Variants in EP300 observed in about 807,000 individuals in gnomAD.
EP300 encodes the protein histone acetyltransferase p300.
EP300 carries 31 observed loss-of-function variants against 264.0 expected under a neutral mutation model. The ratio of observed to expected loss-of-function variants is 0.12; its 90% CI spans 0.09 to 0.16. The LOEUF is 0.16. Among genes scored for constraint, EP300 ranks in the 10% least tolerant of loss-of-function variants. The probability of loss-of-function intolerance (pLI) is 1.00; values close to 1 mark genes in which losing one functional copy is unlikely to be tolerated. For synonymous variants in EP300, 1,340 were observed against 1,045.4 expected (o/e 1.28, Z -5.44); for missense variants, 2,766 against 3,052.9 (o/e 0.91, Z 2.21).
At position 41,127,584 on chromosome 22, in the gene EP300, G is replaced by A. The variant is rs2145710215; in HGVS notation, c.1004G>A (p.Arg335His). 1 of 1,614,192 alleles carries A rather than the reference G, an allele frequency of 6.2e-7. No individual in the cohort carries two copies. The highest frequency in any genetic ancestry group is 8.5e-7 in the Non-Finnish European group (1 of 1,180,038). Residue 335 changes from arginine to histidine, a missense_variant, in exon 4 of 31, where the codon CGC becomes CAC. By Grantham distance (29) the Arg-to-His change is conservative. Coordinates refer to ENST00000263253, the MANE Select transcript of EP300 (RefSeq NM_001429.4). ...GCACATACAGCTGATCCAGAGAAGC[G>A]CAAGCTCATCCAGCAGCAGCTTGTT... ...SGAHTADPEK[R>H]KLIQQQLVLL...
At chr22:41,145,989 A>G (rs1221665346) in intron 10 of EP300, among the ~76,000 whole-genome samples, 2 of 151,936 alleles carry the variant, frequency 1.3e-5, no homozygotes, top group African/African-American at 4.8e-5. Context: ...TATAATATGC[A>G]TATTATTTAA....
In EP300 at chr22:41,152,360, T is replaced by A; in HGVS notation, c.3142+10T>A. The A allele has an allele frequency of 6.2e-7, 1 of 1,611,216 alleles. No homozygotes were observed. The highest frequency in any genetic ancestry group is 8.5e-7 in the Non-Finnish European group (1 of 1,178,416). On this transcript the variant is annotated intron_variant, in intron 16 of 30. Transcript: ENST00000263253. ...CAGTCAAAGAAAAAGAGTGAGTCTC[T>A]GAAGCCATTCGTTCTGGAGGTAGCT...
chr22:41,164,437 C>T (rs1262686942), intron 22 of EP300, among the ~76,000 whole-genome samples: 3 of 152,078 alleles, frequency 2.0e-5, no homozygotes, highest in East Asian at 1.9e-4. Flanking sequence ...TATGGCCAGG[C>T]GAGGTGGCTC....
chr22:41,172,489 G>A lies in EP300; in HGVS notation c.4453-10G>A, dbSNP rs2059176480. 6.2e-7 allele frequency: 1 copy of A among 1,608,386 alleles called. No individual in the cohort carries two copies. The highest frequency in any genetic ancestry group is 1.7e-5 in the Admixed American group (1 of 59,976). ...TAGAAATTCCTATATGTACATGCAT[G>A]TTTTCACAGGATATTTTTAAACAAG... On this transcript the variant is annotated splice_polypyrimidine_tract_variant and intron_variant, in intron 27 of 30. Transcript: ENST00000263253.
At chr22:41,166,743 C>G in intron 23 of EP300, 77 bp downstream of exon 23, 1 of 982,528 alleles carries the variant, frequency 1.0e-6, no homozygotes, top group East Asian at 2.5e-5. Flanking sequence ...AAGTGAATTA[C>G]TTTGTTTTTA....
intron 4 of EP300, 59 bp from the exon 5 acceptor site, chr22:41,129,827 TTAGC>T: frequency 7.9e-7 from 1 of 1,261,062 alleles, no homozygotes; most frequent in Middle Eastern, 1.8e-4. Context: ...GGTCAACAAG[TTAGC>T]TATTATTAAT....
At chr22:41,171,369 C>T (rs1448004327) in intron 27 of EP300, among the ~76,000 whole-genome samples, 1 of 152,110 alleles carries the variant, frequency 6.6e-6, no homozygotes, top group East Asian at 1.9e-4. Flanking sequence ...AAGGGTCACT[C>T]TCTGTCACCC....
chr22:41,154,326 C>A (rs1196046590), intron 16 of EP300, among the ~76,000 whole-genome samples: 1 of 141,700 alleles, frequency 7.1e-6, no homozygotes, highest in Non-Finnish European at 1.5e-5. Flanking sequence ...AAAGACTTTT[C>A]TGTTCTTGCT....
chr22:41,149,466 G>T (rs1433384142), intron 13 of EP300, among the ~76,000 whole-genome samples: 1 of 152,052 alleles, frequency 6.6e-6, no homozygotes, highest in African/African-American at 2.4e-5. Flanking sequence ...AAGGAAATCT[G>T]GCTGAAAAGA....
At chr22:41,093,643 CT>C (rs2058686652) in intron 1 of EP300, among the ~76,000 whole-genome samples, 1 of 152,180 alleles carries the variant, frequency 6.6e-6, no homozygotes. Context: ...ATTCTTTTAT[CT>C]TACCTACCAT....
At chr22:41,111,361 A>G (rs1039106973) in intron 1 of EP300, among the ~76,000 whole-genome samples, 2 of 152,218 alleles carry the variant, frequency 1.3e-5, no homozygotes, top group Non-Finnish European at 2.9e-5. Flanking sequence ...TGGTATAACC[A>G]GTCATCTTGC....
chr22:41,152,133 G>C (rs2145740296), intron 15 of EP300, 73 bp from the exon 16 acceptor site: 2 of 1,588,828 alleles, frequency 1.3e-6, no homozygotes, highest in Admixed American at 3.4e-5. Flanking sequence ...TTTTGCATGA[G>C]AAAGGGTGTT....
At chr22:41,122,157 CTTTTTTTTTTTTTTTTT>C (rs71328774) in intron 2 of EP300, among the ~76,000 whole-genome samples, 1 of 35,854 alleles carries the variant, frequency 2.8e-5, no homozygotes, top group Non-Finnish European at 6.6e-5. Context: ...TCTTCTTCTT[CTTTTTTTTTTTTTTTTT>C]TTTTTTTGGA....
Position 41,113,691 on chromosome 22 carries a change from C to T in EP300, c.95-3496C>T, listed in dbSNP as rs564969545. 1.2e-4 allele frequency among the ~76,000 whole-genome samples: 18 copies of T among 152,146 alleles called. No individual in the cohort carries two copies. The South Asian group carries it at 2.5e-3, about 21-fold the overall frequency. On this transcript the variant is annotated intron_variant, in intron 1 of 30. Coordinates refer to ENST00000263253, the MANE Select transcript of EP300 (RefSeq NM_001429.4). Reference sequence around the variant, plus strand: ...CCTCCTGAGTAGCTGGGACTATAGGCGCCCGCCACCACGCCCTGCTAATTT... The same window carrying T: ...CCTCCTGAGTAGCTGGGACTATAGGTGCCCGCCACCACGCCCTGCTAATTT...
At chr22:41,099,329 G>A (rs1057188588) in intron 1 of EP300, among the ~76,000 whole-genome samples, 46 of 152,074 alleles carry the variant, frequency 3.0e-4, no homozygotes, top group African/African-American at 1.1e-3. Flanking sequence ...CACCGCGCCC[G>A]GCCTGTTTTT....
intron 8 of EP300, among the ~76,000 whole-genome samples, chr22:41,138,434 G>A (rs1350724382): frequency 6.6e-6 from 1 of 152,142 alleles, no homozygotes; most frequent in Non-Finnish European, 1.5e-5. Context: ...AAAGTGCTAG[G>A]ATTACAGGTG....
At chr22:41,131,233 AAATT>A (rs1207899265) in intron 5 of EP300, among the ~76,000 whole-genome samples, 151 bp from the exon 6 acceptor site, 2 of 152,196 alleles carry the variant, frequency 1.3e-5, no homozygotes, top group Non-Finnish European at 2.9e-5. Flanking sequence ...CTGCATCTAG[AAATT>A]TCTTCCAGGA....
At chr22:41,149,295 T>A in intron 13 of EP300, 120 bp downstream of exon 13, 2 of 1,243,856 alleles carry the variant, frequency 1.6e-6, no homozygotes, top group South Asian at 1.3e-5. Flanking sequence ...TTTTAAAAAA[T>A]AACAATTTTG....
At chr22:41,148,685 T>C (rs534771408) in intron 12 of EP300, 2 of 347,344 alleles carry the variant, frequency 5.8e-6, no homozygotes, top group South Asian at 2.7e-5. Context: ...ATCACTGACA[T>C]GACCTCATGA....
Sources: allele counts gnomAD v4.1 joint callset (sites outside exome capture counted in the v4.1 genomes callset), GRCh38; gene constraint gnomAD v4.1.1; transcripts MANE v1.5; gene names NCBI Gene and HGNC (gene_info 2026-07-23, HGNC 2026-07-21).